The following DCLK2 variants were observed in gnomAD, a reference collection of about 807,000 sequenced individuals.
The protein encoded by DCLK2 is doublecortin like kinase 2.
DCLK2 carries 31 observed loss-of-function variants against 78.4 expected under a neutral mutation model. That is an observed-to-expected ratio of 0.40 (90% CI 0.30 to 0.53). The LOEUF is 0.53. DCLK2 is among the 20% of genes least tolerant of loss of function. The pLI is 0.61. For missense variants in DCLK2, 872 were observed against 973.7 expected (o/e 0.90, Z 1.39); for synonymous variants, 407 against 374.9 (o/e 1.09, Z -0.99).
chr4:150,123,612 G>A (rs1478321310), intron 2 of DCLK2, among the ~76,000 whole-genome samples: 1 of 152,158 alleles, frequency 6.6e-6, no homozygotes, highest in Non-Finnish European at 1.5e-5. Context: ...TGATGCCAGC[G>A]AACTTGCCTC....
intron 2 of DCLK2, among the ~76,000 whole-genome samples, chr4:150,131,459 A>G (rs1733307399): frequency 6.6e-6 from 1 of 152,134 alleles, no homozygotes. Context: ...TTATATAGCA[A>G]ATCTTACTTT....
chr4:150,097,038 G>C (rs1436550697), intron 1 of DCLK2, among the ~76,000 whole-genome samples: 3 of 152,166 alleles, frequency 2.0e-5, no homozygotes, highest in Non-Finnish European at 4.4e-5. Flanking sequence ...CGTCCTGTTA[G>C]AGGGATTTAA....
At chr4:150,087,526 A>G (rs1729732067) in intron 1 of DCLK2, among the ~76,000 whole-genome samples, 2 of 152,264 alleles carry the variant, frequency 1.3e-5, no homozygotes, top group Admixed American at 6.5e-5. Flanking sequence ...TTTATTTAAC[A>G]TGCATACACA....
chr4:150,256,629 C>T lies in DCLK2; in HGVS notation c.*382C>T, dbSNP rs1448589196. 4 of 200,594 alleles carry T rather than the reference C, an allele frequency of 2.0e-5. No homozygotes were observed. The highest frequency in any genetic ancestry group is 4.0e-5 in the Non-Finnish European group (4 of 100,710). The allele number at this position is 200,594 out of a possible 1,614,324, so 12.4% of individuals were successfully genotyped here. ...TGGAAACACTTTGGATGAACCAAGG[C>T]CTTTTCCTTATTTAAGTAGACTCAG... On this transcript the variant is annotated 3_prime_UTR_variant, in exon 16 of 16. Transcript: ENST00000296550.
intron 2 of DCLK2, among the ~76,000 whole-genome samples, chr4:150,108,537 C>G (rs1328204953): frequency 6.6e-6 from 1 of 151,626 alleles, no homozygotes; most frequent in African/African-American, 2.4e-5. Flanking sequence ...GAGCAAGACT[C>G]TGTCTCAAAA....
At chr4:150,117,033 T>G (rs919975216) in intron 2 of DCLK2, among the ~76,000 whole-genome samples, 3 of 152,122 alleles carry the variant, frequency 2.0e-5, no homozygotes, top group Non-Finnish European at 4.4e-5. Flanking sequence ...TTCTTTGTGT[T>G]AAGCTACCAG....
chr4:150,110,444 T>C (rs1394445077), intron 2 of DCLK2, among the ~76,000 whole-genome samples: 1 of 151,430 alleles, frequency 6.6e-6, no homozygotes, highest in East Asian at 1.9e-4. Flanking sequence ...AATAGCTTAC[T>C]ATGCCAGGCA....
chr4:150,164,332 C>T (rs372759168), intron 2 of DCLK2, among the ~76,000 whole-genome samples: 2 of 152,156 alleles, frequency 1.3e-5, no homozygotes, highest in Non-Finnish European at 2.9e-5. Context: ...ACTGTGCAGC[C>T]ACTGCTCTAA....
chr4:150,252,567 G>C (rs992180310), intron 15 of DCLK2, among the ~76,000 whole-genome samples: 8 of 152,218 alleles, frequency 5.3e-5, no homozygotes, highest in Non-Finnish European at 8.8e-5. Context: ...CTGTTCTACA[G>C]GCTCTGTCCT....
At chr4:150,209,340 C>A (rs1740118743) in intron 5 of DCLK2, among the ~76,000 whole-genome samples, 1 of 152,180 alleles carries the variant, frequency 6.6e-6, no homozygotes, top group African/African-American at 2.4e-5. Context: ...CCTCAGTGGC[C>A]CCAGGCTGCC....
intron 2 of DCLK2, among the ~76,000 whole-genome samples, chr4:150,143,896 TG>T (rs752777567): frequency 8.5e-5 from 13 of 152,100 alleles, no homozygotes; most frequent in South Asian, 2.1e-4. Context: ...TTAATAGGAT[TG>T]TTTTTTTTTT....
At chr4:150,177,916 T>A (rs1737206115) in intron 2 of DCLK2, among the ~76,000 whole-genome samples, 1 of 152,170 alleles carries the variant, frequency 6.6e-6, no homozygotes. Context: ...AGCAGGGCAC[T>A]GGGGCTGGGG....
At position 150,256,104 on chromosome 4, in the gene DCLK2, C is replaced by T. The variant is rs1170827110; in HGVS notation, c.2158C>T (p.Pro720Ser). The change falls in exon 16 of 16, where the codon CCA becomes TCA. Residue 720 changes from proline to serine, a missense_variant. Pro to Ser is a moderately conservative substitution (Grantham distance 74). Coordinates refer to ENST00000296550, the MANE Select transcript of DCLK2 (RefSeq NM_001040260.4). ...SGRPGMEPIS[P>S]VPPSVEEIPV... ...CAGGCCTGGGATGGAGCCCATCTCT[C>T]CAGTTCCTCCCTCAGTGGAGGAGAT... The T allele has an allele frequency of 5.6e-6, 9 of 1,613,024 alleles. No homozygotes were observed. Among genetic ancestry groups the T allele is most frequent in the Non-Finnish European group, 7.6e-6 (9 of 1,179,934 alleles).
intron 2 of DCLK2, among the ~76,000 whole-genome samples, chr4:150,175,092 ATT>A (rs1560835041): frequency 1.4e-4 from 8 of 57,648 alleles, no homozygotes; most frequent in Non-Finnish European, 1.3e-4. Context: ...TTATATATAT[ATT>A]TATATATATT....
chr4:150,088,981 A>G (rs185708852), intron 1 of DCLK2, among the ~76,000 whole-genome samples: 5 of 152,254 alleles, frequency 3.3e-5, no homozygotes, highest in African/African-American at 1.2e-4. Context: ...TACATTACTC[A>G]CTGTTTTGCT....
At chr4:150,157,141 G>A (rs1009982486) in intron 2 of DCLK2, among the ~76,000 whole-genome samples, 6 of 146,800 alleles carry the variant, frequency 4.1e-5, no homozygotes, top group Non-Finnish European at 6.0e-5. Flanking sequence ...ACATTTCTGC[G>A]TTAGCTGGTT....
At chr4:150,237,432 T>C (rs184873718) in intron 10 of DCLK2, among the ~76,000 whole-genome samples, 2 of 152,186 alleles carry the variant, frequency 1.3e-5, no homozygotes, top group South Asian at 4.1e-4. Flanking sequence ...ATCCTCATCA[T>C]TACTCCTGTG....
At chr4:150,201,470 A>G (rs987487982) in intron 4 of DCLK2, among the ~76,000 whole-genome samples, 5 of 152,224 alleles carry the variant, frequency 3.3e-5, no homozygotes, top group South Asian at 2.1e-4. Context: ...TCCAAATGCT[A>G]TAAAAACTTA....
chr4:150,232,901 C>A, intron 10 of DCLK2, 73 bp downstream of exon 10: 1 of 1,543,372 alleles, frequency 6.5e-7, no homozygotes. Flanking sequence ...CAAATAATGG[C>A]ATTTTATAGT....
Sources: allele counts gnomAD v4.1 joint callset (sites outside exome capture counted in the v4.1 genomes callset), GRCh38; gene constraint gnomAD v4.1.1; transcripts MANE v1.5; gene names NCBI Gene and HGNC (gene_info 2026-07-23, HGNC 2026-07-21).